PTP4A2: variants seen among roughly 807,000 people sequenced by gnomAD.
The protein encoded by PTP4A2 is protein tyrosine phosphatase type IVA 2.
Under a neutral mutation model 22.9 loss-of-function variants are expected in PTP4A2, and 2 were observed. The ratio of observed to expected loss-of-function variants is 0.09; its 90% CI spans 0.04 to 0.27. The LOEUF (loss-of-function observed/expected upper bound fraction) is 0.27. PTP4A2 is among the 10% of genes least tolerant of loss of function. The probability of loss-of-function intolerance (pLI) is 1.00; values close to 1 mark genes in which losing one functional copy is unlikely to be tolerated. For missense variants in PTP4A2, 103 were observed against 205.1 expected (o/e 0.50, Z 3.04); for synonymous variants, 68 against 69.1 (o/e 0.98, Z 0.08).
In PTP4A2 at chr1:31,908,718, T is replaced by C. The variant is rs570749055; in HGVS notation, c.*134A>G. 5.2e-6 allele frequency: 3 copies of C among 575,398 alleles called. No homozygotes were observed. The African/African-American group carries it at 5.8e-5, about 11-fold the overall frequency. 35.6% of individuals were successfully genotyped at this position (575,398 alleles called of 1,614,324 possible). ...TTTTTGTTTGCTTTTGTTCCAATCA[T>C]TAGGAGAGTGGTTGAGGAGTACTGA... On this transcript the variant is annotated 3_prime_UTR_variant, in exon 6 of 6. Transcript: ENST00000647444.
At chr1:31,935,153 C>T (rs1483283329) in intron 1 of PTP4A2, among the ~76,000 whole-genome samples, 1 of 152,114 alleles carries the variant, frequency 6.6e-6, no homozygotes, top group East Asian at 1.9e-4. Flanking sequence ...TCACTCTTGG[C>T]CCCAATAAAT....
chr1:31,909,066 A>G, intron 5 of PTP4A2, 106 bp from the exon 6 acceptor site: 10 of 794,000 alleles, frequency 1.3e-5, no homozygotes, highest in Admixed American at 2.3e-5. Flanking sequence ...ACACAGCTGA[A>G]AACCAGCATA....
rs552656795 is a variant in PTP4A2, at chr1:31,927,895, C to T, written c.-593-8237G>A. On this transcript the variant is annotated intron_variant, in intron 1 of 5. Transcript: ENST00000647444. ...GCTACTGTACCTATTGTATTTTGAC[C>T]ACTTGGGGGAAAAAAGTGTCTGAAA... 2.3e-4 allele frequency among the ~76,000 whole-genome samples: 35 copies of T among 152,072 alleles called. No individual in the cohort carries two copies. The East Asian group carries it at 6.2e-3, about 27-fold the overall frequency.
rs1653033227 is a variant in PTP4A2 at position 31,938,141 on chromosome 1, G to T, written c.-748C>A. On this transcript the variant is annotated 5_prime_UTR_variant, in exon 1 of 6. Coordinates refer to ENST00000647444, the MANE Select transcript of PTP4A2 (RefSeq NM_080391.4). This position sits in a 1 kb window ranked among gnomAD's most constrained non-coding sequence, Gnocchi z 4.4. ...AGCCTCGGCGCGCGACACCCGGCCC[G>T]GCCCGGCGGCGGCGGCGGCGGCGCG... 6.7e-6 allele frequency: 1 copy of T among 148,162 alleles called. No homozygotes were observed. Among genetic ancestry groups the T allele is most frequent in the Non-Finnish European group, 1.5e-5 (1 of 66,862 alleles). 9.2% of individuals were successfully genotyped at this position (148,162 alleles called of 1,614,324 possible). A position where few individuals can be genotyped will look rare whatever the true frequency, so the allele number is the denominator to read the frequency against.
intron 1 of PTP4A2, among the ~76,000 whole-genome samples, chr1:31,929,895 A>T (rs1652642618): frequency 6.6e-6 from 1 of 152,238 alleles, no homozygotes; most frequent in South Asian, 2.1e-4. Context: ...ATATCAGGAC[A>T]GTTAAAATGG....
intron 1 of PTP4A2, 56 bp from the exon 2 acceptor site, chr1:31,919,714 A>G (rs951731996): frequency 6.6e-6 from 1 of 152,654 alleles, no homozygotes; most frequent in African/African-American, 2.4e-5. Context: ...CAGTAAACAC[A>G]AATGCCTGAA....
intron 1 of PTP4A2, among the ~76,000 whole-genome samples, chr1:31,937,436 G>A (rs1397544073): frequency 6.6e-6 from 1 of 151,544 alleles, no homozygotes; most frequent in Non-Finnish European, 1.5e-5. Context: ...AGACCAAGGG[G>A]AAGGGCCTCT....
chr1:31,916,012 T>G, intron 2 of PTP4A2, 25 bp from the exon 3 acceptor site: 1 of 1,422,336 alleles, frequency 7.0e-7, no homozygotes, highest in Non-Finnish European at 9.6e-7. Flanking sequence ...AAAATTATAA[T>G]GGAACTTGTT....
intron 1 of PTP4A2, chr1:31,921,611 T>C (rs1444051102): frequency 6.6e-6 from 1 of 152,178 alleles, no homozygotes; most frequent in African/African-American, 2.4e-5. Context: ...AATCATAAAT[T>C]CCTCTGGAAA....
intron 1 of PTP4A2, among the ~76,000 whole-genome samples, chr1:31,928,696 CAAAAAA>C (rs1162186046): frequency 1.7e-5 from 1 of 57,316 alleles, no homozygotes; most frequent in African/African-American, 6.1e-5. Context: ...AACTCTGTCT[CAAAAAA>C]AAAAAAAAAA....
chr1:31,937,721 C>G (rs1653006056), intron 1 of PTP4A2: 1 of 152,956 alleles, frequency 6.5e-6, no homozygotes, highest in Non-Finnish European at 1.5e-5. Flanking sequence ...CCCCCACCTC[C>G]TCGCACGGAC....
chr1:31,930,090 G>C (rs1460713871), intron 1 of PTP4A2, among the ~76,000 whole-genome samples: 1 of 152,218 alleles, frequency 6.6e-6, no homozygotes, highest in African/African-American at 2.4e-5. Context: ...TGTAATCCCA[G>C]CACTTTGGGA....
chr1:31,916,388 A>AAAAC (rs751085598), intron 2 of PTP4A2, among the ~76,000 whole-genome samples: 3,632 of 144,454 alleles, frequency 0.025, 161 homozygotes, highest in Middle Eastern at 0.069. Flanking sequence ...CTACTATTAT[A>AAAAC]AATTAAAACA....
rs1012428614 is a variant in PTP4A2, at chr1:31,919,320, G to A, written c.-255C>T. ...TCAATTTCTGCAGATGGATACCTTC[G>A]GACTCCAAAAAATCCAACTACATAC... On this transcript the variant is annotated 5_prime_UTR_variant, in exon 2 of 6. Transcript: ENST00000647444. 2.8e-5 allele frequency: 7 copies of A among 245,958 alleles called. No individual in the cohort carries two copies. Among genetic ancestry groups the A allele is most frequent in the South Asian group, 5.6e-5 (1 of 17,992 alleles). The allele number at this position is 245,958 out of a possible 1,614,324, so 15.2% of individuals were successfully genotyped here.
chr1:31,913,330 C>T (rs554937843), intron 3 of PTP4A2, among the ~76,000 whole-genome samples: 1 of 152,292 alleles, frequency 6.6e-6, no homozygotes, highest in South Asian at 2.1e-4. Flanking sequence ...CTTGTTTTTT[C>T]AAGTGTAAGT....
rs1010277637 is a variant in PTP4A2 at position 31,907,950 on chromosome 1, G to T, written c.*902C>A. The T allele has an allele frequency of 1.3e-5, 2 of 150,446 alleles. No homozygotes were observed. Among genetic ancestry groups the T allele is most frequent in the Admixed American group, 6.7e-5 (1 of 15,006 alleles). 9.3% of individuals were successfully genotyped at this position (150,446 alleles called of 1,614,324 possible). A position where few individuals can be genotyped will look rare whatever the true frequency, so the allele number is the denominator to read the frequency against. ...GGGAAGAGAAGAATTCGACTCTCAGGTAAGTTGAGAAGAGACTCCTCTTAA... is the reference window on the plus strand; with the variant it reads ...GGGAAGAGAAGAATTCGACTCTCAGTTAAGTTGAGAAGAGACTCCTCTTAA... On this transcript the variant is annotated 3_prime_UTR_variant, in exon 6 of 6. Coordinates refer to ENST00000647444, the MANE Select transcript of PTP4A2 (RefSeq NM_080391.4).
At chr1:31,935,378 T>TC (rs1652890522) in intron 1 of PTP4A2, among the ~76,000 whole-genome samples, 1 of 152,100 alleles carries the variant, frequency 6.6e-6, no homozygotes, top group Non-Finnish European at 1.5e-5. Context: ...TCCTAAATGA[T>TC]CCCCTTGCCT....
chr1:31,938,144 C>CCGG lies in PTP4A2; in HGVS notation c.-754_-752dup, dbSNP rs1038411195. ...CTCGGCGCGCGACACCCGGCCCGGCCCGGCGGCGGCGGCGGCGGCGCGTCT... is the reference window on the plus strand; with the variant it reads ...CTCGGCGCGCGACACCCGGCCCGGCCCGGCGGCGGCGGCGGCGGCGGCGCGTCT... On this transcript the variant is annotated 5_prime_UTR_variant, in exon 1 of 6. Coordinates refer to ENST00000647444, the MANE Select transcript of PTP4A2 (RefSeq NM_080391.4). The surrounding 1 kb of genome is among the most constrained non-coding windows in gnomAD (Gnocchi z 4.4). The CCGG allele has an allele frequency of 6.0e-4, 88 of 147,410 alleles. No homozygotes were observed. The highest frequency in any genetic ancestry group is 9.3e-4 in the Non-Finnish European group (62 of 66,392). The allele number at this position is 147,410 out of a possible 1,614,324, so 9.1% of individuals were successfully genotyped here. A position where few individuals can be genotyped will look rare whatever the true frequency, so the allele number is the denominator to read the frequency against.
intron 5 of PTP4A2, 115 bp downstream of exon 5, chr1:31,909,923 T>A (rs937202111): frequency 2.4e-6 from 2 of 844,876 alleles, no homozygotes; most frequent in Non-Finnish European, 1.8e-6. Context: ...CAAATAATAC[T>A]TCAAGCCAAA....
Sources: gnomAD v4.1 joint callset for allele counts (sites outside exome capture counted in the v4.1 genomes callset) on GRCh38, gnomAD v4.1.1 for gene constraint, Gnocchi (gnomAD v3.1) non-coding constraint, MANE v1.5 for transcripts, NCBI Gene and HGNC (gene_info 2026-07-23, HGNC 2026-07-21) for gene names.